The following MYOF variants were observed in gnomAD, a reference collection of about 807,000 sequenced individuals.
MYOF encodes the protein fer-1-like 3, myoferlin.
In MYOF, 244 loss-of-function variants were observed where a neutral mutation model predicts 284.2. The ratio of observed to expected loss-of-function variants is 0.86; its 90% CI spans 0.77 to 0.95. MYOF has a LOEUF of 0.95. Among genes scored for constraint, MYOF ranks in the 40% least tolerant of loss-of-function variants. The pLI, the probability that MYOF is intolerant of heterozygous loss-of-function variation, is 0.00. For missense variants in MYOF, 2,496 were observed against 2,560.6 expected (o/e 0.97, Z 0.54); for synonymous variants, 904 against 919.7 (o/e 0.98, Z 0.31).
intron 45 of MYOF, among the ~76,000 whole-genome samples, chr10:93,326,987 T>TG (rs1349912172): frequency 2.6e-5 from 4 of 152,080 alleles, no homozygotes; most frequent in Middle Eastern, 6.8e-3. Context: ...CATGAAGAGG[T>TG]GGGGTCTGTG....
intron 46 of MYOF, chr10:93,324,670 G>A (rs1038037626): frequency 2.0e-5 from 3 of 152,234 alleles, no homozygotes; most frequent in Admixed American, 6.5e-5. Context: ...AAAGCAAGAA[G>A]GAAGTGACAA....
rs1844544039 is a variant in MYOF at position 93,351,981 on chromosome 10, C to G, written c.3482-135G>C. 3 of 816,364 alleles carry G rather than the reference C, an allele frequency of 3.7e-6. No homozygotes were observed. In the Admixed American group the frequency reaches 1.0e-4, roughly 28 times the overall value. 50.6% of individuals were successfully genotyped at this position (816,364 alleles called of 1,614,324 possible). Reference sequence around the variant, plus strand: ...GACCACCTGCCTGGAGATAGGGTTTCTAGGGAGCAGGGAGTTCCCCATGGA... The same window carrying G: ...GACCACCTGCCTGGAGATAGGGTTTGTAGGGAGCAGGGAGTTCCCCATGGA... On this transcript the variant is annotated intron_variant, in intron 32 of 53. Coordinates refer to ENST00000359263, the MANE Select transcript of MYOF (RefSeq NM_013451.4).
chr10:93,306,855 C>T lies in MYOF; in HGVS notation c.*108G>A. 8.5e-7 allele frequency: 1 copy of T among 1,179,610 alleles called. No homozygotes were observed. The allele number at this position is 1,179,610 out of a possible 1,614,324, so 73.1% of individuals were successfully genotyped here. A position where few individuals can be genotyped will look rare whatever the true frequency, so the allele number is the denominator to read the frequency against. ...AATGGGGCTCGGTGACATGGCGTAA[C>T]CTGCTACTGGGGTGTGGTCTCAGAC... is the stretch of plus-strand genomic sequence containing the variant. On this transcript the variant is annotated 3_prime_UTR_variant, in exon 54 of 54. Coordinates refer to ENST00000359263, the MANE Select transcript of MYOF (RefSeq NM_013451.4).
intron 27 of MYOF, among the ~76,000 whole-genome samples, chr10:93,362,794 A>G (rs1009721577): frequency 1.3e-5 from 2 of 152,172 alleles, no homozygotes; most frequent in African/African-American, 2.4e-5. Context: ...AAAGATTATA[A>G]AGCGGGATGA....
chr10:93,373,164 T>C (rs1452482135), intron 23 of MYOF, 79 bp from the exon 24 acceptor site: 2 of 1,532,294 alleles, frequency 1.3e-6, no homozygotes, highest in African/African-American at 1.4e-5. Context: ...CCCTGCAGGC[T>C]GGACCCTCAG....
chr10:93,405,545 T>C (rs1039425177), intron 7 of MYOF, among the ~76,000 whole-genome samples: 3 of 152,184 alleles, frequency 2.0e-5, no homozygotes, highest in Non-Finnish European at 2.9e-5. Flanking sequence ...CCTCCTGGCT[T>C]GGCCTCCCAA....
chr10:93,431,565 T>C, intron 3 of MYOF, 49 bp from the exon 4 acceptor site: 1 of 1,425,858 alleles, frequency 7.0e-7, no homozygotes, highest in Non-Finnish European at 9.8e-7. Flanking sequence ...GGAGATAGGC[T>C]TCCAATGACT....
chr10:93,318,902 G>T (rs1334697540), intron 49 of MYOF, among the ~76,000 whole-genome samples: 1 of 152,196 alleles, frequency 6.6e-6, no homozygotes, highest in African/African-American at 2.4e-5. Context: ...GTGGAGGCAG[G>T]AATGGAACAG....
chr10:93,316,285 A>G (rs1395370722), intron 50 of MYOF, among the ~76,000 whole-genome samples: 3 of 151,354 alleles, frequency 2.0e-5, no homozygotes, highest in Non-Finnish European at 4.4e-5. Context: ...GGTGCATTGA[A>G]CTAGTGCCCT....
intron 21 of MYOF, 142 bp downstream of exon 21, chr10:93,379,721 C>T: frequency 1.9e-6 from 2 of 1,043,296 alleles, no homozygotes; most frequent in Non-Finnish European, 2.7e-6. Context: ...GACCATCTAC[C>T]TCCACTGTTC....
chr10:93,450,607 AC>A (rs2056563133), intron 3 of MYOF, among the ~76,000 whole-genome samples: 1 of 152,058 alleles, frequency 6.6e-6, no homozygotes, highest in Non-Finnish European at 1.5e-5. Context: ...TACTGTCCAA[AC>A]CCAGCCACGT....
chr10:93,392,824 T>C, intron 17 of MYOF, 93 bp downstream of exon 17: 1 of 1,213,658 alleles, frequency 8.2e-7, no homozygotes, highest in Non-Finnish European at 1.2e-6. Flanking sequence ...CAGCAAAATG[T>C]CAAAAAAAAG....
intron 4 of MYOF, among the ~76,000 whole-genome samples, chr10:93,429,859 T>G (rs1034086557): frequency 2.6e-5 from 4 of 151,508 alleles, no homozygotes; most frequent in Non-Finnish European, 4.4e-5. Flanking sequence ...ACTTGAGTCA[T>G]TTTTTTTTAA....
At chr10:93,378,440 T>C (rs1245560227) in intron 21 of MYOF, among the ~76,000 whole-genome samples, 1 of 152,060 alleles carries the variant, frequency 6.6e-6, no homozygotes, top group African/African-American at 2.4e-5. Flanking sequence ...TTAAGTCAAT[T>C]TAAACCTATA....
rs1381409179 is a variant in MYOF, at chr10:93,381,221, T to C, written c.1874A>G (p.Asp625Gly). 2 of 1,614,134 alleles carry C rather than the reference T, an allele frequency of 1.2e-6. No individual in the cohort carries two copies. Among genetic ancestry groups the C allele is most frequent in the African/African-American group, 1.3e-5 (1 of 75,052 alleles). The change falls in exon 20 of 54, where the codon GAT becomes GGT. Residue 625 changes from aspartate to glycine, a missense_variant and splice_region_variant. Around this residue, in one of 3 missense-constraint regions of MYOF, gnomAD observed 2,436 missense variants for 2,480.7 expected, o/e 0.98. Transcript: ENST00000359263. ...STTQYSRAVF[D>G]GNYYYYLPWA... ...AGAACTGTTAGTGCCAATCTTACCA[T>C]CAAATACAGCACGGCTGTACTGAGT...
chr10:93,409,156 C>T (rs1332863600), intron 6 of MYOF, among the ~76,000 whole-genome samples: 1 of 152,102 alleles, frequency 6.6e-6, no homozygotes, highest in African/African-American at 2.4e-5. Flanking sequence ...TCAAAGCCGG[C>T]CTGGGAAAGG....
intron 53 of MYOF, among the ~76,000 whole-genome samples, chr10:93,308,477 C>T (rs1017618513): frequency 3.6e-5 from 5 of 140,680 alleles, no homozygotes; most frequent in South Asian, 2.4e-4. Flanking sequence ...CCCAGCTACT[C>T]GGGAGGCTGA....
chr10:93,457,133 A>T (rs10882235), intron 1 of MYOF, among the ~76,000 whole-genome samples, 196 bp from the exon 2 acceptor site: 26,645 of 152,134 alleles, frequency 0.18, 2,712 homozygotes, highest in East Asian at 0.48. Flanking sequence ...AGGTTTTCCC[A>T]TCTCCAGGTC....
intron 51 of MYOF, among the ~76,000 whole-genome samples, chr10:93,312,158 A>T (rs139208713): frequency 3.2e-4 from 48 of 152,370 alleles, no homozygotes; most frequent in African/African-American, 1.1e-3. Flanking sequence ...TTCAAAATTA[A>T]TGATCAAAAA....
Sources: gnomAD v4.1 joint callset for allele counts (sites outside exome capture counted in the v4.1 genomes callset) on GRCh38, gnomAD v4.1.1 for gene constraint, gnomAD v4.1.1 regional missense constraint, MANE v1.5 for transcripts, NCBI Gene and HGNC (gene_info 2026-07-23, HGNC 2026-07-21) for gene names.